The following DOCK3 variants were observed in gnomAD, a reference collection of about 807,000 sequenced individuals.
DOCK3 encodes the protein dedicator of cytokinesis 3, also known as dedicator of cytokinesis protein 3.
In DOCK3, 60 loss-of-function variants were observed where a neutral mutation model predicts 265.6. That is an observed-to-expected ratio of 0.23 (90% CI 0.18 to 0.28). DOCK3 has a LOEUF of 0.28. Ranked by LOEUF, DOCK3 falls within the 10% of genes least tolerant of loss-of-function variation. The probability of loss-of-function intolerance (pLI) is 1.00; values close to 1 mark genes in which losing one functional copy is unlikely to be tolerated. For synonymous variants in DOCK3, 881 were observed against 938.0 expected (o/e 0.94, Z 1.11); for missense variants, 1,981 against 2,594.3 (o/e 0.76, Z 5.14).
intron 5 of DOCK3, among the ~76,000 whole-genome samples, chr3:51,035,338 CTT>C (rs1233495880): frequency 1.3e-5 from 2 of 152,210 alleles, no homozygotes; most frequent in South Asian, 2.1e-4. Flanking sequence ...TTCACCAACT[CTT>C]TCGTCATTTT....
chr3:51,096,363 T>C (rs778945708), intron 9 of DOCK3, among the ~76,000 whole-genome samples: 1 of 152,188 alleles, frequency 6.6e-6, no homozygotes, highest in Non-Finnish European at 1.5e-5. Flanking sequence ...TTCTCTAATC[T>C]TTTCTTCACA....
intron 2 of DOCK3, among the ~76,000 whole-genome samples, chr3:50,823,776 C>T (rs903563975): frequency 2.0e-4 from 30 of 152,108 alleles, no homozygotes; most frequent in Admixed American, 1.0e-3. Context: ...CCAGACGGGG[C>T]GGCTGGCCGG....
intron 5 of DOCK3, among the ~76,000 whole-genome samples, chr3:50,966,874 T>G (rs1575629349): frequency 6.6e-6 from 1 of 152,226 alleles, no homozygotes; most frequent in East Asian, 1.9e-4. Context: ...ATGATTAGAA[T>G]CAAACATTTA....
intron 21 of DOCK3, 143 bp from the exon 22 acceptor site, chr3:51,246,583 C>A (rs956421014): frequency 2.8e-6 from 2 of 725,606 alleles, no homozygotes; most frequent in Non-Finnish European, 4.7e-6. Context: ...CCTGAATAGT[C>A]CAAAGCTGTA....
At chr3:51,212,059 G>A (rs966037565) in intron 13 of DOCK3, among the ~76,000 whole-genome samples, 2 of 152,194 alleles carry the variant, frequency 1.3e-5, no homozygotes, top group South Asian at 4.1e-4. Flanking sequence ...ATGTGCTTCA[G>A]TCACCCAGGG....
Position 51,184,422 on chromosome 3 carries a change from A to G in DOCK3, c.1037+23720A>G, listed in dbSNP as rs531533906. Among the ~76,000 whole-genome samples, 33 of 152,284 alleles carry G rather than the reference A, an allele frequency of 2.2e-4. No individual in the cohort carries two copies. In the South Asian group the frequency reaches 6.8e-3, roughly 32 times the overall value. ...AAATGATCCTGAAGCAGAAAGTGCC[A>G]GAAAGCAAAGACATGCTCAAAATTT... On this transcript the variant is annotated intron_variant, in intron 12 of 52. Transcript: ENST00000266037.
Position 51,357,081 on chromosome 3 carries a change from C to T in DOCK3, c.4623C>T (p.Ser1541=). The change falls in exon 44 of 53, where the codon AGC becomes AGT. Residue 1541 remains serine (S), a synonymous_variant. Coordinates refer to ENST00000266037, the MANE Select transcript of DOCK3 (RefSeq NM_004947.5). ...TGCATGGCAACATTAACCTGCTAAG[C>T]ATGTGCCTGAATGGTGTCATTGATG... is the stretch of plus-strand genomic sequence containing the variant. The part of the protein sequence containing the change: ...KQVHGNINLL[S]MCLNGVIDAA... The T allele has an allele frequency of 1.2e-6, 2 of 1,613,066 alleles. No homozygotes were observed. Among genetic ancestry groups the T allele is most frequent in the South Asian group, 1.1e-5 (1 of 91,030 alleles).
At chr3:50,800,492 A>C (rs969316398) in intron 2 of DOCK3, among the ~76,000 whole-genome samples, 21 of 152,122 alleles carry the variant, frequency 1.4e-4, no homozygotes, top group Admixed American at 1.4e-3. Context: ...AGTAATCACC[A>C]ATGAGCCTTT....
intron 6 of DOCK3, among the ~76,000 whole-genome samples, chr3:51,074,052 C>T (rs2081973421): frequency 6.6e-6 from 1 of 152,122 alleles, no homozygotes; most frequent in African/African-American, 2.4e-5. Context: ...TTTAGCTGTG[C>T]TAGCATGTTC....
intron 3 of DOCK3, among the ~76,000 whole-genome samples, chr3:50,884,372 T>C (rs779175271): frequency 5.9e-5 from 9 of 152,226 alleles, no homozygotes; most frequent in Non-Finnish European, 1.3e-4. Flanking sequence ...ATTACAGGCA[T>C]GAGCCACCAT....
At position 51,201,814 on chromosome 3, in the gene DOCK3, CA is replaced by C. The variant is rs1395312160; in HGVS notation, c.1038-6957del. On this transcript the variant is annotated intron_variant, in intron 12 of 52. Coordinates refer to ENST00000266037, the MANE Select transcript of DOCK3 (RefSeq NM_004947.5). ...AAATGTAAAAGAACAGAAATTATAA[CA>C]AACTGTCTCTCAGACCACAGTGCAA... 1.8e-4 allele frequency among the ~76,000 whole-genome samples: 28 copies of C among 152,214 alleles called. 2 individuals are homozygous for C. The South Asian group carries it at 4.6e-3, about 25-fold the overall frequency.
intron 1 of DOCK3, among the ~76,000 whole-genome samples, chr3:50,730,429 C>T (rs60503693): frequency 7.2e-5 from 11 of 152,324 alleles, no homozygotes; most frequent in African/African-American, 1.9e-4. Context: ...AGGCGTGAGC[C>T]GCTGTGCCCG....
At chr3:50,896,601 A>G (rs898261865) in intron 4 of DOCK3, among the ~76,000 whole-genome samples, 4 of 151,902 alleles carry the variant, frequency 2.6e-5, no homozygotes, top group African/African-American at 9.7e-5. Context: ...GTTTTTTTCT[A>G]GGGTTTTTAT....
At chr3:50,979,635 A>G (rs2108540613) in intron 5 of DOCK3, among the ~76,000 whole-genome samples, 1 of 152,336 alleles carries the variant, frequency 6.6e-6, no homozygotes, top group East Asian at 1.9e-4. Flanking sequence ...CTTCTTGTGC[A>G]GCCTGCAGAA....
chr3:51,346,648 A>T (rs1384594913), intron 38 of DOCK3, among the ~76,000 whole-genome samples: 1 of 152,210 alleles, frequency 6.6e-6, no homozygotes, highest in Non-Finnish European at 1.5e-5. Context: ...CTTTGGGTAT[A>T]TACCCAGTAA....
intron 12 of DOCK3, among the ~76,000 whole-genome samples, chr3:51,198,621 G>C (rs1279108439): frequency 1.3e-5 from 2 of 150,636 alleles, no homozygotes; most frequent in African/African-American, 4.9e-5. Context: ...GATGGAGCTA[G>C]TGAGACTATG....
chr3:50,838,959 C>G (rs1298068659), intron 2 of DOCK3, among the ~76,000 whole-genome samples: 1 of 152,152 alleles, frequency 6.6e-6, no homozygotes, highest in African/African-American at 2.4e-5. Context: ...CTCATGTGCA[C>G]CTGATAATGG....
intron 22 of DOCK3, among the ~76,000 whole-genome samples, chr3:51,248,889 CG>C (rs2078988275): frequency 8.6e-6 from 1 of 116,198 alleles, no homozygotes; most frequent in East Asian, 2.4e-4. Flanking sequence ...GCCGCCACCC[CG>C]TCTGGGAGGT....
In DOCK3 at chr3:50,898,758, G is replaced by C. The variant is rs534892646; in HGVS notation, c.218+8677G>C. Among the ~76,000 whole-genome samples, 6 of 152,168 alleles carry C rather than the reference G, an allele frequency of 3.9e-5. No homozygotes were observed. In the East Asian group the frequency reaches 1.2e-3, roughly 29 times the overall value. On this transcript the variant is annotated intron_variant, in intron 4 of 52. Coordinates refer to ENST00000266037, the MANE Select transcript of DOCK3 (RefSeq NM_004947.5). ...CTTACCTAGTAGTCATTCAGGAGCA[G>C]GTTGTTCAGTTTCCATGTAGTTGTG...
Sources: gnomAD v4.1 joint callset for allele counts (sites outside exome capture counted in the v4.1 genomes callset) on GRCh38, gnomAD v4.1.1 for gene constraint, MANE v1.5 for transcripts, NCBI Gene and HGNC (gene_info 2026-07-23, HGNC 2026-07-21) for gene names.